The following DPYSL4 variants were observed in gnomAD, a reference collection of about 807,000 sequenced individuals.
The protein encoded by DPYSL4 is dihydropyrimidinase-related protein 4.
In DPYSL4, 43 loss-of-function variants were observed where a neutral mutation model predicts 63.4. That is an observed-to-expected ratio of 0.68 (90% CI 0.53 to 0.88). The LOEUF (loss-of-function observed/expected upper bound fraction) is 0.88, where lower values mean the gene tolerates loss of function less well. DPYSL4 is among the 40% of genes least tolerant of loss of function. The pLI is 0.00. For missense variants in DPYSL4, 733 were observed against 819.5 expected, an observed-to-expected ratio of 0.89 and a Z score of 1.29; for synonymous variants, 353 against 331.7, an observed-to-expected ratio of 1.06 and a Z score of -0.70.
Position 132,200,837 on chromosome 10 carries a change from T to G in DPYSL4, c.969-5T>G. 1.2e-6 allele frequency: 2 copies of G among 1,611,670 alleles called. No homozygotes were observed. Among genetic ancestry groups the G allele is most frequent in the Admixed American group, 1.7e-5 (1 of 59,948 alleles). On this transcript the variant is annotated splice_polypyrimidine_tract_variant and splice_region_variant and intron_variant, in intron 9 of 13. Transcript: ENST00000338492. ...CAGGACCCTCTGACCCTGGCTTGTT[T>G]CCAGCGGGGACCTCCAGGTGACAGG... is the stretch of plus-strand genomic sequence containing the variant.
chr10:132,198,193 T>A (rs2061969224), intron 6 of DPYSL4, among the ~76,000 whole-genome samples: 1 of 152,076 alleles, frequency 6.6e-6, no homozygotes. Context: ...GGAGCCACTT[T>A]CCCCTATCCG....
rs1159807864 is a variant in DPYSL4 at position 132,202,526 on chromosome 10, C to T, written c.1282-120C>T. 8 of 1,282,306 alleles carry T rather than the reference C, an allele frequency of 6.2e-6. No homozygotes were observed. In the African/African-American group the frequency reaches 1.0e-4, roughly 17 times the overall value. The allele number at this position is 1,282,306 out of a possible 1,614,324, so 79.4% of individuals were successfully genotyped here. A position where few individuals can be genotyped will look rare whatever the true frequency, so the allele number is the denominator to read the frequency against. On this transcript the variant is annotated intron_variant, in intron 11 of 13. Transcript: ENST00000338492. ...CAGTTCCAGCATCTTGCTAGGGGCT[C>T]AGTGTAGGCACACCGGGCCTGCTCC...
In DPYSL4 at chr10:132,201,995, A is replaced by G; in HGVS notation, c.1160A>G (p.Asn387Ser). The change falls in exon 11 of 14, where the codon AAT becomes AGT. Residue 387 changes from asparagine to serine, a missense_variant. Transcript: ENST00000338492. ...ENEFVAVTSTNAAKIFNFYPR... is the reference protein window; with the variant it reads ...ENEFVAVTSTSAAKIFNFYPR... ...GAGTTCGTCGCGGTGACCAGTACAA[A>G]TGCTGCCAAAATCTTCAATTTTTAC... 3.1e-6 allele frequency: 5 copies of G among 1,613,294 alleles called. No individual in the cohort carries two copies. Among genetic ancestry groups the G allele is most frequent in the Non-Finnish European group, 4.2e-6 (5 of 1,179,950 alleles).
intron 11 of DPYSL4, 130 bp downstream of exon 11, chr10:132,202,246 CCA>C (rs1241376739): frequency 8.3e-7 from 1 of 1,209,056 alleles, no homozygotes. Context: ...CCAGGGCCGT[CCA>C]CACAGCCTGT....
At chr10:132,201,282 G>A (rs527666052) in intron 10 of DPYSL4, among the ~76,000 whole-genome samples, 11 of 152,212 alleles carry the variant, frequency 7.2e-5, no homozygotes, top group African/African-American at 2.6e-4. Context: ...ACGCTGTGAT[G>A]TTAGTGCTCC....
At chr10:132,199,069 G>C (rs2061980271) in intron 8 of DPYSL4, 98 bp downstream of exon 8, 6 of 1,479,068 alleles carry the variant, frequency 4.1e-6, no homozygotes, top group Middle Eastern at 2.2e-4. Flanking sequence ...CCCTGCATCG[G>C]GGCGGGGCAC....
chr10:132,194,281 A>G (rs563551890), intron 3 of DPYSL4, among the ~76,000 whole-genome samples: 13 of 152,230 alleles, frequency 8.5e-5, no homozygotes, highest in Admixed American at 5.2e-4. Context: ...GTCTGGCTGC[A>G]CCAGGAGAGG....
chr10:132,203,733 C>A lies in DPYSL4; in HGVS notation c.1462-29C>A, dbSNP rs770414247. 6.3e-6 allele frequency: 10 copies of A among 1,583,384 alleles called. 1 individual carries two copies. In the African/African-American group the frequency reaches 1.2e-4, roughly 19 times the overall value. ...AGCTGCCCAGGCTCAGCCCCTCATG[C>A]CCTGTCTCTGCCCCCACCCCCCCGG... is the stretch of plus-strand genomic sequence containing the variant. On this transcript the variant is annotated intron_variant, in intron 12 of 13. Coordinates refer to ENST00000338492, the MANE Select transcript of DPYSL4 (RefSeq NM_006426.3).
At chr10:132,204,361 T>C (rs540050033) in intron 13 of DPYSL4, among the ~76,000 whole-genome samples, 10 of 152,266 alleles carry the variant, frequency 6.6e-5, no homozygotes, top group African/African-American at 2.2e-4. Context: ...TACACGAGAA[T>C]GCCTGGGAGG....
chr10:132,189,367 G>T (rs998804896), intron 1 of DPYSL4, among the ~76,000 whole-genome samples: 2 of 152,212 alleles, frequency 1.3e-5, no homozygotes, highest in Non-Finnish European at 2.9e-5. Context: ...CACCTCTGAC[G>T]GTCATGCAGA....
At chr10:132,192,307 A>G in intron 2 of DPYSL4, 1 of 999,944 alleles carries the variant, frequency 1.0e-6, no homozygotes, top group Non-Finnish European at 1.2e-6. Context: ...CCTGGCTCAT[A>G]GCAGGTGCTT....
At chr10:132,203,680 G>T in intron 12 of DPYSL4, 82 bp from the exon 13 acceptor site, 1 of 1,270,722 alleles carries the variant, frequency 7.9e-7, no homozygotes, top group Non-Finnish European at 1.1e-6. Context: ...CCCATGCTCA[G>T]CCCCTCATGC....
In DPYSL4 at chr10:132,192,634, C is replaced by T. The variant is rs373498393; in HGVS notation, c.129-24C>T. On this transcript the variant is annotated intron_variant, in intron 2 of 13. Transcript: ENST00000338492. ...GGCTCTGACCTGGGCTCCCTGTAAC[C>T]AGTGAAATCTCTGCTGCTTTCAGAC... The T allele has an allele frequency of 3.8e-6, 6 of 1,581,498 alleles. No homozygotes were observed. The African/African-American group carries it at 5.4e-5, about 14-fold the overall frequency.
chr10:132,204,546 G>A (rs2062068275), intron 13 of DPYSL4, among the ~76,000 whole-genome samples: 1 of 152,188 alleles, frequency 6.6e-6, no homozygotes, highest in African/African-American at 2.4e-5. Flanking sequence ...GGAACCCAGA[G>A]CAGGGACGAG....
intron 4 of DPYSL4, among the ~76,000 whole-genome samples, chr10:132,195,310 G>T (rs1454423372): frequency 2.0e-5 from 3 of 152,224 alleles, no homozygotes; most frequent in African/African-American, 7.2e-5. Context: ...CAGTTCCCCA[G>T]TCTCCTAGCA....
At chr10:132,200,779 G>C in intron 9 of DPYSL4, 63 bp from the exon 10 acceptor site, 1 of 1,577,688 alleles carries the variant, frequency 6.3e-7, no homozygotes, top group South Asian at 1.2e-5. Context: ...AAGGGGGCTG[G>C]AGCTGACCTG....
intron 2 of DPYSL4, among the ~76,000 whole-genome samples, chr10:132,191,221 C>T (rs1426219641): frequency 2.4e-5 from 2 of 83,216 alleles, no homozygotes; most frequent in African/African-American, 8.8e-5. Context: ...ACACTGGTCA[C>T]GTGGTATCCA....
rs756672786 is a variant in DPYSL4 at position 132,200,346 on chromosome 10, C to G, written c.812-10C>G. ...TCGGTGGGGCACCTCTCATGGGCCT[C>G]GTGCTGCAGGGGTGGTCGTGTTTGG... is the stretch of plus-strand genomic sequence containing the variant. On this transcript the variant is annotated splice_polypyrimidine_tract_variant and intron_variant, in intron 8 of 13. Coordinates refer to ENST00000338492, the MANE Select transcript of DPYSL4 (RefSeq NM_006426.3). 6.2e-7 allele frequency: 1 copy of G among 1,612,834 alleles called. No homozygotes were observed. Among genetic ancestry groups the G allele is most frequent in the South Asian group, 1.1e-5 (1 of 91,054 alleles).
chr10:132,205,577 G>C lies in DPYSL4; in HGVS notation c.*647G>C, dbSNP rs1261073440. 4 of 152,520 alleles carry C rather than the reference G, an allele frequency of 2.6e-5. No homozygotes were observed. Among genetic ancestry groups the C allele is most frequent in the Non-Finnish European group, 5.9e-5 (4 of 68,122 alleles). The allele number at this position is 152,520 out of a possible 1,614,324, so 9.4% of individuals were successfully genotyped here. A position where few individuals can be genotyped will look rare whatever the true frequency, so the allele number is the denominator to read the frequency against. On this transcript the variant is annotated 3_prime_UTR_variant, in exon 14 of 14. Transcript: ENST00000338492. Reference sequence around the variant, plus strand: ...TGTAGCCCTCATCCAGGGAAGTTTTGCGATCCTTTAGGAAGACACTGTCCT... The same window carrying C: ...TGTAGCCCTCATCCAGGGAAGTTTTCCGATCCTTTAGGAAGACACTGTCCT...
Sources: gnomAD v4.1 joint callset for allele counts (sites outside exome capture counted in the v4.1 genomes callset) on GRCh38, gnomAD v4.1.1 for gene constraint, MANE v1.5 for transcripts, NCBI Gene and HGNC (gene_info 2026-07-23, HGNC 2026-07-21) for gene names.